Variants in CCSER1 observed in about 807,000 individuals in gnomAD.
The protein encoded by CCSER1 is coiled-coil serine rich protein 1, also known as serine-rich coiled-coil domain-containing protein 1.
A neutral mutation model predicts 82.0 loss-of-function variants in CCSER1; 41 were observed. The observed-to-expected ratio is 0.50, with a 90% confidence interval of 0.39 to 0.65. The LOEUF (loss-of-function observed/expected upper bound fraction) is 0.65, where lower values mean the gene tolerates loss of function less well. Ranked by LOEUF, CCSER1 falls within the 30% of genes least tolerant of loss-of-function variation. The probability of loss-of-function intolerance (pLI) is 0.00; values close to 1 mark genes in which losing one functional copy is unlikely to be tolerated. For missense variants in CCSER1, 1,119 were observed against 1,064.2 expected (o/e 1.05, Z -0.72); for synonymous variants, 414 against 383.9 (o/e 1.08, Z -0.92).
At chr4:91,000,478 G>T (rs2150475301) in intron 9 of CCSER1, among the ~76,000 whole-genome samples, 1 of 152,146 alleles carries the variant, frequency 6.6e-6, no homozygotes, top group East Asian at 1.9e-4. Flanking sequence ...TTGGTGGTTT[G>T]ATAGGAATAG....
chr4:91,088,298 T>A (rs1400289629), intron 10 of CCSER1, among the ~76,000 whole-genome samples: 1 of 152,150 alleles, frequency 6.6e-6, no homozygotes, highest in Non-Finnish European at 1.5e-5. Flanking sequence ...AAGGGCTTAT[T>A]ACCAAATATT....
chr4:90,457,985 C>T (rs1160115237), intron 4 of CCSER1, among the ~76,000 whole-genome samples: 1 of 152,182 alleles, frequency 6.6e-6, no homozygotes, highest in Non-Finnish European at 1.5e-5. Context: ...TGTGTCGGTG[C>T]CACCCTGAGC....
chr4:91,109,282 C>G (rs1725892783), intron 10 of CCSER1, among the ~76,000 whole-genome samples: 1 of 152,038 alleles, frequency 6.6e-6, no homozygotes. Context: ...TAATATATCC[C>G]CTCTCATCTA....
intron 7 of CCSER1, among the ~76,000 whole-genome samples, chr4:90,731,290 C>T (rs766568413): frequency 2.6e-4 from 39 of 152,214 alleles, no homozygotes; most frequent in Non-Finnish European, 4.6e-4. Flanking sequence ...TAGCATGATA[C>T]GGAGATTAGT....
chr4:90,322,296 T>G (rs1385787382), intron 3 of CCSER1, among the ~76,000 whole-genome samples: 1 of 152,212 alleles, frequency 6.6e-6, no homozygotes, highest in East Asian at 1.9e-4. Context: ...TGTATATGTG[T>G]GGATTTATTT....
chr4:90,628,520 A>T (rs1019907862), intron 6 of CCSER1, among the ~76,000 whole-genome samples: 1 of 152,226 alleles, frequency 6.6e-6, no homozygotes, highest in Non-Finnish European at 1.5e-5. Context: ...AGTATCAGCT[A>T]TATAGTTATG....
At chr4:90,749,046 A>G (rs1343019461) in intron 7 of CCSER1, among the ~76,000 whole-genome samples, 2 of 151,438 alleles carry the variant, frequency 1.3e-5, no homozygotes, top group Non-Finnish European at 2.9e-5. Context: ...GTTTAATTAG[A>G]TCCCATTTGT....
At chr4:90,561,817 T>C (rs1249565692) in intron 5 of CCSER1, among the ~76,000 whole-genome samples, 2 of 152,178 alleles carry the variant, frequency 1.3e-5, no homozygotes, top group African/African-American at 2.4e-5. Flanking sequence ...ACATAACTAT[T>C]TTTACTTTAT....
intron 1 of CCSER1, among the ~76,000 whole-genome samples, chr4:90,128,635 G>A (rs937210644): frequency 6.6e-6 from 1 of 152,104 alleles, no homozygotes; most frequent in African/African-American, 2.4e-5. Context: ...TGTGTCCCAG[G>A]GACTCGTACA....
At chr4:90,423,452 CTGA>C (rs1196271721) in intron 4 of CCSER1, among the ~76,000 whole-genome samples, 1 of 151,986 alleles carries the variant, frequency 6.6e-6, no homozygotes, top group Admixed American at 6.5e-5. Flanking sequence ...TCTCAATCTC[CTGA>C]TGTCGTGATC....
intron 10 of CCSER1, among the ~76,000 whole-genome samples, chr4:91,221,443 A>C (rs1326531866): frequency 6.6e-6 from 1 of 152,140 alleles, no homozygotes; most frequent in East Asian, 1.9e-4. Flanking sequence ...GATAGTATTG[A>C]TCAAGATACA....
intron 10 of CCSER1, among the ~76,000 whole-genome samples, chr4:91,102,860 T>G (rs1725218308): frequency 6.6e-6 from 1 of 152,224 alleles, no homozygotes; most frequent in African/African-American, 2.4e-5. Flanking sequence ...GAGGTTGAAC[T>G]CTTATGATTC....
At chr4:90,221,534 C>T (rs778710296) in intron 1 of CCSER1, among the ~76,000 whole-genome samples, 6 of 152,228 alleles carry the variant, frequency 3.9e-5, no homozygotes, top group Non-Finnish European at 7.4e-5. Context: ...TCGAAACAAA[C>T]GTCTTCGCTT....
chr4:91,217,820 A>T (rs1352709028), intron 10 of CCSER1, among the ~76,000 whole-genome samples: 1 of 152,226 alleles, frequency 6.6e-6, no homozygotes, highest in African/African-American at 2.4e-5. Context: ...AGCTAAACAC[A>T]GGGTGCTGAT....
rs187588094 is a variant in CCSER1, at chr4:90,732,772, G to T, written c.2010+8781G>T. ...TGTAATATTTAGCTCCCATAAATAA[G>T]AACATGTGTAATTTTCTTACTTTCC... On this transcript the variant is annotated intron_variant, in intron 7 of 10. Transcript: ENST00000509176. Among the ~76,000 whole-genome samples the T allele has an allele frequency of 1.6e-3, 248 of 152,130 alleles. 1 individual carries two copies. The highest frequency in any genetic ancestry group is 5.8e-3 in the African/African-American group (241 of 41,466).
intron 5 of CCSER1, among the ~76,000 whole-genome samples, chr4:90,598,847 T>A (rs1783692247): frequency 6.6e-6 from 1 of 152,052 alleles, no homozygotes; most frequent in Non-Finnish European, 1.5e-5. Context: ...TGAGGCACCT[T>A]GTTCCCAGAG....
intron 10 of CCSER1, among the ~76,000 whole-genome samples, chr4:91,439,078 C>T (rs13137931): frequency 6.6e-6 from 1 of 152,190 alleles, no homozygotes; most frequent in Admixed American, 6.5e-5. Context: ...TCCAGGAGAA[C>T]TTCCCCAATC....
intron 1 of CCSER1, among the ~76,000 whole-genome samples, chr4:90,166,455 A>T (rs1181782000): frequency 6.6e-6 from 1 of 152,024 alleles, no homozygotes; most frequent in Non-Finnish European, 1.5e-5. Context: ...TATACTTGAC[A>T]TAATTTTTTT....
intron 1 of CCSER1, among the ~76,000 whole-genome samples, chr4:90,264,354 T>C (rs1203299781): frequency 6.6e-6 from 1 of 152,188 alleles, no homozygotes; most frequent in East Asian, 1.9e-4. Context: ...TTGTTTATAC[T>C]GCAAACCTGA....
Sources: allele counts gnomAD v4.1 joint callset (sites outside exome capture counted in the v4.1 genomes callset), GRCh38; gene constraint gnomAD v4.1.1; transcripts MANE v1.5; gene names NCBI Gene and HGNC (gene_info 2026-07-23, HGNC 2026-07-21).